The following DENND4A variants were observed in gnomAD, a reference collection of about 807,000 sequenced individuals.
DENND4A encodes the protein C-myc promoter-binding protein.
A neutral mutation model predicts 199.3 loss-of-function variants in DENND4A; 70 were observed. The ratio of observed to expected loss-of-function variants is 0.35; its 90% CI spans 0.29 to 0.43. The LOEUF is 0.43. DENND4A is among the 20% of genes least tolerant of loss of function. The pLI is 1.00. For missense variants in DENND4A, 1,723 were observed against 2,255.8 expected (o/e 0.76, Z 4.78); for synonymous variants, 686 against 766.9 (o/e 0.89, Z 1.74).
chr15:65,755,493 T>A (rs1042426039), intron 3 of DENND4A, among the ~76,000 whole-genome samples: 1 of 152,128 alleles, frequency 6.6e-6, no homozygotes, highest in Non-Finnish European at 1.5e-5. Flanking sequence ...GGGCTGGGTG[T>A]GGTGGCTCAC....
At chr15:65,756,546 G>T in intron 2 of DENND4A, 74 bp from the exon 3 acceptor site, 1 of 1,148,126 alleles carries the variant, frequency 8.7e-7, no homozygotes, top group South Asian at 1.7e-5. Flanking sequence ...GTGCAAATAA[G>T]AACAAAAAAC....
intron 27 of DENND4A, among the ~76,000 whole-genome samples, chr15:65,669,429 AAGT>A (rs780239167): frequency 1.3e-5 from 2 of 152,236 alleles, no homozygotes; most frequent in Non-Finnish European, 2.9e-5. Context: ...AAATATTAAA[AAGT>A]AGTAGTATTG....
chr15:65,741,263 G>T (rs1472014045), intron 5 of DENND4A, among the ~76,000 whole-genome samples: 2 of 152,012 alleles, frequency 1.3e-5, no homozygotes, highest in Non-Finnish European at 2.9e-5. Context: ...TGTAAATAAG[G>T]TCACTATGTT....
rs769465118 is a variant in DENND4A at position 65,701,734 on chromosome 15, T to A, written c.2559+28A>T. The A allele has an allele frequency of 8.7e-6, 14 of 1,603,146 alleles. No homozygotes were observed. In the East Asian group the frequency reaches 2.7e-4, roughly 31 times the overall value. Reference sequence around the variant, plus strand: ...TGTTGCATAATGACAAAAGTAATACTCTTTATCCATTAAACCAAGGTATTT... The same window carrying A: ...TGTTGCATAATGACAAAAGTAATACACTTTATCCATTAAACCAAGGTATTT... On this transcript the variant is annotated intron_variant, in intron 18 of 32. Coordinates refer to ENST00000443035, the MANE Select transcript of DENND4A (RefSeq NM_001320835.1).
At chr15:65,709,719 A>AAAAT (rs1218030026) in intron 14 of DENND4A, among the ~76,000 whole-genome samples, 20 of 51,482 alleles carry the variant, frequency 3.9e-4, no homozygotes, top group Non-Finnish European at 4.4e-4. Flanking sequence ...AAAAAAAAAA[A>AAAAT]ATATATATAT....
intron 29 of DENND4A, among the ~76,000 whole-genome samples, chr15:65,666,403 G>A (rs1325563497): frequency 7.2e-5 from 11 of 152,064 alleles, no homozygotes; most frequent in South Asian, 2.1e-4. Flanking sequence ...CATACACAGC[G>A]TGGATACACC....
chr15:65,662,608 G>A (rs1425734562), intron 32 of DENND4A, among the ~76,000 whole-genome samples: 1 of 152,060 alleles, frequency 6.6e-6, no homozygotes, highest in African/African-American at 2.4e-5. Context: ...GGACAACAGA[G>A]GTTTACAAGC....
intron 14 of DENND4A, among the ~76,000 whole-genome samples, chr15:65,706,511 T>A (rs1413927981): frequency 5.7e-4 from 76 of 133,276 alleles, no homozygotes; most frequent in Admixed American, 3.0e-3. Context: ...TATATATATT[T>A]TTTTTTGAGA....
intron 3 of DENND4A, among the ~76,000 whole-genome samples, chr15:65,755,086 C>T (rs1321610814): frequency 1.3e-5 from 2 of 151,988 alleles, no homozygotes; most frequent in African/African-American, 4.8e-5. Flanking sequence ...AATAAAGTAC[C>T]GACACATACT....
chr15:65,772,142 A>G (rs1439025565), intron 1 of DENND4A: 1 of 752,346 alleles, frequency 1.3e-6, no homozygotes, highest in Non-Finnish European at 2.3e-6. Context: ...TCCCCTCCAT[A>G]GCTTGCTCCT....
chr15:65,727,034 C>T (rs2075820671), intron 11 of DENND4A, among the ~76,000 whole-genome samples: 1 of 151,958 alleles, frequency 6.6e-6, no homozygotes, highest in Non-Finnish European at 1.5e-5. Flanking sequence ...TGGAGAAAAA[C>T]TGGGTGTGGT....
intron 23 of DENND4A, among the ~76,000 whole-genome samples, chr15:65,682,256 A>G (rs1297121550): frequency 6.6e-6 from 1 of 152,046 alleles, no homozygotes; most frequent in African/African-American, 2.4e-5. Flanking sequence ...TGCATTGAAA[A>G]TCTGTTGTTT....
At chr15:65,718,048 G>C in intron 12 of DENND4A, 52 bp from the exon 13 acceptor site, 3 of 1,289,126 alleles carry the variant, frequency 2.3e-6, no homozygotes, top group Non-Finnish European at 3.2e-6. Flanking sequence ...AAACACTCAT[G>C]ATGGTACCAA....
intron 14 of DENND4A, among the ~76,000 whole-genome samples, chr15:65,709,708 A>AT (rs2075174950): frequency 1.6e-5 from 2 of 126,354 alleles, no homozygotes; most frequent in East Asian, 3.4e-4. Flanking sequence ...AAAAAAAAAA[A>AT]AAAAAAAAAA....
intron 13 of DENND4A, among the ~76,000 whole-genome samples, chr15:65,716,478 G>A (rs1324746102): frequency 7.0e-6 from 1 of 142,568 alleles, no homozygotes; most frequent in Admixed American, 7.7e-5. Flanking sequence ...TCCCACCTAT[G>A]AGTGAGAACA....
chr15:65,720,279 A>G (rs1250476318), intron 12 of DENND4A, among the ~76,000 whole-genome samples: 1 of 152,212 alleles, frequency 6.6e-6, no homozygotes. Context: ...TCAGGAAAAA[A>G]GTTTGTTATT....
chr15:65,700,766 C>G (rs763644510), intron 19 of DENND4A, 91 bp from the exon 20 acceptor site: 8 of 1,316,070 alleles, frequency 6.1e-6, no homozygotes, highest in Non-Finnish European at 8.0e-6. Flanking sequence ...CAATGTAATA[C>G]TGAACATGAA....
chr15:65,782,412 CCT>C (rs1245006265), intron 1 of DENND4A, among the ~76,000 whole-genome samples: 2 of 152,114 alleles, frequency 1.3e-5, no homozygotes, highest in Non-Finnish European at 2.9e-5. Flanking sequence ...CTCAGATCAC[CCT>C]GTTTTACTTC....
At chr15:65,731,613 AAAAT>A in intron 9 of DENND4A, 25 bp downstream of exon 9, 1 of 1,479,172 alleles carries the variant, frequency 6.8e-7, no homozygotes, top group Non-Finnish European at 9.2e-7. Flanking sequence ...GATTGAGAGA[AAAAT>A]AAATAGAAAT....
Sources: gnomAD v4.1 joint callset for allele counts (sites outside exome capture counted in the v4.1 genomes callset) on GRCh38, gnomAD v4.1.1 for gene constraint, MANE v1.5 for transcripts, NCBI Gene and HGNC (gene_info 2026-07-23, HGNC 2026-07-21) for gene names.